The following PNPO variants were observed in gnomAD, a reference collection of about 807,000 sequenced individuals.
The protein encoded by PNPO is pyridoxine-5'-phosphate oxidase.
A neutral mutation model predicts 35.0 loss-of-function variants in PNPO; 39 were observed. The ratio of observed to expected loss-of-function variants is 1.11; its 90% confidence interval spans 0.86 to 1.45. The LOEUF is 1.45. PNPO is among the 40% of genes most tolerant of loss of function. PNPO has a pLI of 0.00. For synonymous variants in PNPO, 115 were observed against 119.8 expected (o/e 0.96, Z 0.26); for missense variants, 288 against 340.0 (o/e 0.85, Z 1.20).
intron 2 of PNPO, 115 bp downstream of exon 2, chr17:47,943,545 G>A (rs554647107): frequency 7.7e-7 from 1 of 1,298,164 alleles, no homozygotes; most frequent in African/African-American, 1.5e-5. Flanking sequence ...AACATGCTCT[G>A]TGGCTTTAGG....
At chr17:47,942,535 G>A (rs11079803) in intron 1 of PNPO, among the ~76,000 whole-genome samples, 79,556 of 152,078 alleles carry the variant, frequency 0.52, 21,218 homozygotes, top group East Asian at 0.76. Context: ...GGACTAGCTC[G>A]GGGAGGAGGG....
Position 47,941,606 on chromosome 17 carries a change from A to G in PNPO, c.-70A>G. ...TTCCCCGGGGTAGAAGTCCAGGGTG[A>G]GAAATTGGTTCCGAACTCAAAGGAA... On this transcript the variant is annotated 5_prime_UTR_variant, in exon 1 of 7. Transcript: ENST00000642017. 6.9e-7 allele frequency: 1 copy of G among 1,456,436 alleles called. No individual in the cohort carries two copies. The highest frequency in any genetic ancestry group is 9.1e-7 in the Non-Finnish European group (1 of 1,095,950). The allele number at this position is 1,456,436 out of a possible 1,614,324, so 90.2% of individuals were successfully genotyped here.
In PNPO at chr17:47,945,533, G is replaced by A. The variant is rs765066908; in HGVS notation, c.364-26G>A. 16 of 1,604,400 alleles carry A rather than the reference G, an allele frequency of 1.0e-5. No individual in the cohort carries two copies. The highest frequency in any genetic ancestry group is 1.3e-5 in the Non-Finnish European group (15 of 1,171,162). Reference sequence around the variant, plus strand: ...GCCTCCTCTCCCTGTCCTGATGGCTGGCTGTGGATTCTCTTTTACTTCTAG... The same window carrying A: ...GCCTCCTCTCCCTGTCCTGATGGCTAGCTGTGGATTCTCTTTTACTTCTAG... On this transcript the variant is annotated intron_variant, in intron 3 of 6. Transcript: ENST00000642017. The surrounding 1 kb of genome is among the most constrained non-coding windows in gnomAD (Gnocchi z 4.0).
Position 47,946,774 on chromosome 17 carries a change from G to T in PNPO, c.778G>T (p.Ala260Ser). The change falls in exon 7 of 7, where the codon GCA becomes TCA. Residue 260 changes from alanine (A) to serine (S), a missense_variant. By Grantham distance (99) the Ala-to-Ser change is moderately conservative. Coordinates refer to ENST00000642017, the MANE Select transcript of PNPO (RefSeq NM_018129.4). ...GEEDWLYERL[A>S]P ...GGAAGACTGGCTCTATGAGAGACTTGCACCTTAACTCTGGGACCTGCTGGC... is the reference window on the plus strand; with the variant it reads ...GGAAGACTGGCTCTATGAGAGACTTTCACCTTAACTCTGGGACCTGCTGGC... 6.2e-7 allele frequency: 1 copy of T among 1,614,092 alleles called. No homozygotes were observed. The highest frequency in any genetic ancestry group is 8.5e-7 in the Non-Finnish European group (1 of 1,180,020).
At chr17:47,946,192 T>C in intron 5 of PNPO, 131 bp from the exon 6 acceptor site, 1 of 997,716 alleles carries the variant, frequency 1.0e-6, no homozygotes, top group Non-Finnish European at 1.6e-6. Context: ...GGCCATCCTG[T>C]TGACTGCTCC....
Position 47,946,400 on chromosome 17 carries a change from GAC to G in PNPO, c.617+9_617+10del. 1 of 1,604,998 alleles carries G rather than the reference GAC, an allele frequency of 6.2e-7. No individual in the cohort carries two copies. The highest frequency in any genetic ancestry group is 8.5e-7 in the Non-Finnish European group (1 of 1,171,696). On this transcript the variant is annotated splice_region_variant and intron_variant, in intron 6 of 6. Coordinates refer to ENST00000642017, the MANE Select transcript of PNPO (RefSeq NM_018129.4). ...TGCCCAAGCCAAAATCCTGGTGAGT[GAC>G]ATCTGGTAGTCCTCTAGAAAGGGAC...
In PNPO at chr17:47,945,400, C is replaced by T; in HGVS notation, c.364-159C>T. 2 of 702,980 alleles carry T rather than the reference C, an allele frequency of 2.8e-6. No homozygotes were observed. The highest frequency in any genetic ancestry group is 3.5e-5 in the African/African-American group (2 of 57,796). The allele number at this position is 702,980 out of a possible 1,614,324, so 43.5% of individuals were successfully genotyped here. A position where few individuals can be genotyped will look rare whatever the true frequency, so the allele number is the denominator to read the frequency against. On this transcript the variant is annotated intron_variant, in intron 3 of 6. Coordinates refer to ENST00000642017, the MANE Select transcript of PNPO (RefSeq NM_018129.4). This position sits in a 1 kb window ranked among gnomAD's most constrained non-coding sequence, Gnocchi z 4.0. Reference sequence around the variant, plus strand: ...CACGTGACTTAGCCTGTCTCTGTGTCTGTGACAATAGGCCTACTTTTGAGG... The same window carrying T: ...CACGTGACTTAGCCTGTCTCTGTGTTTGTGACAATAGGCCTACTTTTGAGG...
chr17:47,944,200 C>CGTGTGTGT (rs3047638), intron 2 of PNPO, among the ~76,000 whole-genome samples: 7,892 of 142,156 alleles, frequency 0.056, 251 homozygotes, highest in African/African-American at 0.076. Context: ...CACTGCCTTT[C>CGTGTGTGT]GTGTGTGTGT....
intron 2 of PNPO, among the ~76,000 whole-genome samples, chr17:47,944,200 C>T (rs1162240537): frequency 1.4e-5 from 2 of 142,248 alleles, no homozygotes; most frequent in East Asian, 2.1e-4. Context: ...CACTGCCTTT[C>T]GTGTGTGTGT....
Position 47,947,985 on chromosome 17 carries a change from T to G in PNPO, c.*1203T>G, listed in dbSNP as rs2036032116. On this transcript the variant is annotated 3_prime_UTR_variant, in exon 7 of 7. Transcript: ENST00000642017. ...AGCACTTCCCCTACTGATTGCTGCC[T>G]TCTCTGTGGCTACAAGGGACCCACA... 6.6e-6 allele frequency: 1 copy of G among 152,192 alleles called. No individual in the cohort carries two copies. Among genetic ancestry groups the G allele is most frequent in the Admixed American group, 6.5e-5 (1 of 15,278 alleles). 9.4% of individuals were successfully genotyped at this position (152,192 alleles called of 1,614,324 possible).
chr17:47,941,681 G>T lies in PNPO; in HGVS notation c.6G>T (p.Thr2=). M[T]CWLRGVTATF... is the part of the protein sequence containing the mutation. ...CACGTGGCCGGCGGCCCCCCATGAC[G>T]TGCTGGCTGCGGGGCGTCACGGCGA... The change falls in exon 1 of 7, where the codon ACG becomes ACT. Residue 2 remains threonine, a synonymous_variant. Transcript: ENST00000642017. 1 of 1,537,444 alleles carries T rather than the reference G, an allele frequency of 6.5e-7. No individual in the cohort carries two copies. Among genetic ancestry groups the T allele is most frequent in the African/African-American group, 1.4e-5 (1 of 72,896 alleles).
At chr17:47,943,729 T>G (rs2035973233) in intron 2 of PNPO, among the ~76,000 whole-genome samples, 1 of 152,224 alleles carries the variant, frequency 6.6e-6, no homozygotes. Context: ...CGTCTGCCAT[T>G]CAGGAGCTAC....
intron 1 of PNPO, among the ~76,000 whole-genome samples, chr17:47,942,827 G>A (rs1245286065): frequency 2.6e-5 from 4 of 152,168 alleles, no homozygotes; most frequent in Non-Finnish European, 4.4e-5. Flanking sequence ...TTGGGAGGAT[G>A]AGGTTGGAGG....
At position 47,945,958 on chromosome 17, in the gene PNPO, G is replaced by A; in HGVS notation, c.515G>A (p.Ser172Asn). Residue 172 changes from serine (S) to asparagine (N), a missense_variant, in exon 5 of 7, where the codon AGC becomes AAC. Physicochemically the swap from Ser to Asn is conservative, Grantham distance 46 (BLOSUM62 1). Transcript: ENST00000642017. This position sits in a 1 kb window ranked among gnomAD's most constrained non-coding sequence, Gnocchi z 4.0. Reference protein sequence around the residue: ...PKSSQIGAVVSHQSSVIPDRE... With the variant: ...PKSSQIGAVVNHQSSVIPDRE... ...AGCAGCCAGATTGGGGCTGTGGTCA[G>A]CCACCAGAGTTCTGTGATCCCTGAT... The A allele has an allele frequency of 6.2e-7, 1 of 1,614,038 alleles. No homozygotes were observed. Among genetic ancestry groups the A allele is most frequent in the Non-Finnish European group, 8.5e-7 (1 of 1,180,046 alleles).
At chr17:47,944,200 CGTGTGTGT>C (rs3047638) in intron 2 of PNPO, among the ~76,000 whole-genome samples, 117 of 142,248 alleles carry the variant, frequency 8.2e-4, no homozygotes, top group African/African-American at 2.9e-3. Flanking sequence ...CACTGCCTTT[CGTGTGTGT>C]GTGTGTGTGT....
intron 1 of PNPO, among the ~76,000 whole-genome samples, chr17:47,942,534 C>T (rs1274699419): frequency 6.6e-6 from 1 of 152,010 alleles, no homozygotes; most frequent in African/African-American, 2.4e-5. Context: ...GGGACTAGCT[C>T]GGGGAGGAGG....
chr17:47,943,775 T>C (rs1450495596), intron 2 of PNPO, among the ~76,000 whole-genome samples: 1 of 152,258 alleles, frequency 6.6e-6, no homozygotes, highest in Non-Finnish European at 1.5e-5. Flanking sequence ...TCTCGAAATC[T>C]AGCACAGTGC....
chr17:47,944,389 C>G (rs1433895370), intron 2 of PNPO, among the ~76,000 whole-genome samples: 2 of 152,098 alleles, frequency 1.3e-5, no homozygotes, highest in Non-Finnish European at 2.9e-5. Flanking sequence ...GGGTTTAAGG[C>G]TTTAACATAG....
At chr17:47,946,487 C>A in intron 6 of PNPO, 94 bp downstream of exon 6, 1 of 1,394,966 alleles carries the variant, frequency 7.2e-7, no homozygotes, top group Non-Finnish European at 1.0e-6. Context: ...CTCCTCCTCC[C>A]TGGCCACCCT....
Sources: gnomAD v4.1 joint callset for allele counts (sites outside exome capture counted in the v4.1 genomes callset) on GRCh38, gnomAD v4.1.1 for gene constraint, Gnocchi (gnomAD v3.1) non-coding constraint, MANE v1.5 for transcripts, NCBI Gene and HGNC (gene_info 2026-07-23, HGNC 2026-07-21) for gene names.